STAU2: variants seen among roughly 807,000 people sequenced by gnomAD.
STAU2 encodes the protein staufen double-stranded RNA binding protein 2, also known as double-stranded RNA-binding protein Staufen homolog 2.
STAU2 carries 20 observed loss-of-function variants against 65.9 expected under a neutral mutation model. That is an observed-to-expected ratio of 0.30 (90% CI 0.21 to 0.44). The LOEUF is 0.44. Ranked by LOEUF, STAU2 falls within the 20% of genes least tolerant of loss-of-function variation. The pLI, the probability that STAU2 is intolerant of heterozygous loss-of-function variation, is 1.00. For synonymous variants in STAU2, 232 were observed against 233.9 expected (o/e 0.99, Z 0.07); for missense variants, 558 against 683.9 (o/e 0.82, Z 2.05).
intron 13 of STAU2, among the ~76,000 whole-genome samples, chr8:73,528,839 A>G (rs1258213490): frequency 1.3e-5 from 2 of 152,248 alleles, no homozygotes; most frequent in African/African-American, 2.4e-5. Flanking sequence ...TAATTGCTGC[A>G]TAATGTCCAT....
At chr8:73,466,312 G>A (rs1322876303) in intron 13 of STAU2, among the ~76,000 whole-genome samples, 1 of 152,104 alleles carries the variant, frequency 6.6e-6, no homozygotes, top group Non-Finnish European at 1.5e-5. Context: ...CTAGAAACTG[G>A]AGTTCTGTGT....
intron 11 of STAU2, among the ~76,000 whole-genome samples, chr8:73,589,161 C>G (rs1810591039): frequency 6.6e-6 from 1 of 152,142 alleles, no homozygotes; most frequent in Non-Finnish European, 1.5e-5. Context: ...TTAACAGTGA[C>G]TATGGCAATA....
intron 13 of STAU2, among the ~76,000 whole-genome samples, chr8:73,522,201 A>G (rs1282025454): frequency 6.6e-6 from 1 of 152,216 alleles, no homozygotes; most frequent in Non-Finnish European, 1.5e-5. Context: ...GAAGTTTATG[A>G]CTTTGGGGCT....
chr8:73,600,754 C>T (rs1811579558), intron 10 of STAU2, among the ~76,000 whole-genome samples: 1 of 152,174 alleles, frequency 6.6e-6, no homozygotes, highest in African/African-American at 2.4e-5. Context: ...GCTAGATTTC[C>T]ATCTGGCCTA....
chr8:73,526,066 G>C (rs1301178757), intron 13 of STAU2, among the ~76,000 whole-genome samples: 3 of 152,182 alleles, frequency 2.0e-5, no homozygotes, highest in African/African-American at 7.2e-5. Flanking sequence ...AAGCACTGGA[G>C]TGGTCTCTAA....
At chr8:73,484,440 C>T (rs1048945625) in intron 13 of STAU2, among the ~76,000 whole-genome samples, 3 of 152,042 alleles carry the variant, frequency 2.0e-5, no homozygotes, top group African/African-American at 7.2e-5. Context: ...AATTCTTAGT[C>T]TTTAAAACAT....
Position 73,552,172 on chromosome 8 carries a change from G to C in STAU2, c.1370C>G (p.Thr457Arg), listed in dbSNP as rs369610486. ...GGCAATTGTAGCTGAACTATTCGATGTGGGAGATATACTGAAGAAAGAGCT... is the reference window on the plus strand; with the variant it reads ...GGCAATTGTAGCTGAACTATTCGATCTGGGAGATATACTGAAGAAAGAGCT... ...PSSSFFSISP[T>R]SNSSATIARE... Residue 457 changes from threonine to arginine, a missense_variant, in exon 13 of 15, where the codon ACA becomes AGA. Thr to Arg is a moderately conservative substitution (Grantham distance 71, BLOSUM62 -1). Coordinates refer to ENST00000524300, the MANE Select transcript of STAU2 (RefSeq NM_001164380.2). 3.1e-6 allele frequency: 5 copies of C among 1,613,900 alleles called. No individual in the cohort carries two copies. The African/African-American group carries it at 6.7e-5, about 22-fold the overall frequency.
At chr8:73,715,773 T>TA (rs1586335802) in intron 3 of STAU2, among the ~76,000 whole-genome samples, 1 of 152,286 alleles carries the variant, frequency 6.6e-6, no homozygotes, top group Non-Finnish European at 1.5e-5. Context: ...TAAATATTAT[T>TA]ATTTACCAAA....
intron 13 of STAU2, among the ~76,000 whole-genome samples, chr8:73,449,560 T>A (rs1335914554): frequency 2.0e-5 from 3 of 152,190 alleles, no homozygotes; most frequent in African/African-American, 7.2e-5. Context: ...AACAAGGCTT[T>A]TGTGTCATTT....
chr8:73,491,838 C>T (rs1221086530), intron 13 of STAU2, among the ~76,000 whole-genome samples: 2 of 151,902 alleles, frequency 1.3e-5, no homozygotes, highest in African/African-American at 4.8e-5. Flanking sequence ...CATTTTCTGA[C>T]TCCTTGGTTC....
intron 3 of STAU2, among the ~76,000 whole-genome samples, chr8:73,732,380 C>G (rs1806128702): frequency 6.6e-6 from 1 of 152,150 alleles, no homozygotes; most frequent in Admixed American, 6.5e-5. Context: ...TCTATTGGTT[C>G]CACAGATAAA....
At chr8:73,730,204 C>G (rs2130745555) in intron 3 of STAU2, among the ~76,000 whole-genome samples, 1 of 152,284 alleles carries the variant, frequency 6.6e-6, no homozygotes, top group East Asian at 1.9e-4. Flanking sequence ...ATTTAAGTCA[C>G]ATATATTGTT....
At chr8:73,468,435 A>G (rs1245160324) in intron 13 of STAU2, among the ~76,000 whole-genome samples, 16 of 152,228 alleles carry the variant, frequency 1.1e-4, no homozygotes, top group Admixed American at 9.2e-4. Flanking sequence ...CGATGGCAAC[A>G]AAAGCCAAAA....
At chr8:73,743,633 C>T (rs1240443255) in intron 1 of STAU2, among the ~76,000 whole-genome samples, 1 of 151,672 alleles carries the variant, frequency 6.6e-6, no homozygotes, top group African/African-American at 2.4e-5. Context: ...GCCACCACGG[C>T]CGGCTAATTT....
intron 13 of STAU2, among the ~76,000 whole-genome samples, chr8:73,431,391 C>T (rs982927178): frequency 6.6e-6 from 1 of 152,182 alleles, no homozygotes; most frequent in Non-Finnish European, 1.5e-5. Context: ...ACATCTAAAG[C>T]AATAAATGTA....
chr8:73,430,159 T>C (rs1485215622), intron 13 of STAU2, among the ~76,000 whole-genome samples: 7 of 152,340 alleles, frequency 4.6e-5, no homozygotes, highest in African/African-American at 1.7e-4. Context: ...CATTTCTTAC[T>C]TTCCTGTGGT....
intron 13 of STAU2, among the ~76,000 whole-genome samples, chr8:73,448,236 C>T (rs1018999229): frequency 6.6e-6 from 1 of 152,048 alleles, no homozygotes; most frequent in Non-Finnish European, 1.5e-5. Context: ...ATTCATGGGT[C>T]AGGGACCATT....
chr8:73,542,108 AT>A (rs1806583157), intron 13 of STAU2, among the ~76,000 whole-genome samples: 2 of 152,168 alleles, frequency 1.3e-5, no homozygotes, highest in Admixed American at 6.5e-5. Flanking sequence ...AGCTAAATGT[AT>A]CCCAAACTAG....
At chr8:73,718,210 G>A (rs759701125) in intron 3 of STAU2, among the ~76,000 whole-genome samples, 1 of 152,118 alleles carries the variant, frequency 6.6e-6, no homozygotes, top group Non-Finnish European at 1.5e-5. Flanking sequence ...ACTAATATAT[G>A]TTACTGATTC....
Sources: allele counts gnomAD v4.1 joint callset (sites outside exome capture counted in the v4.1 genomes callset), GRCh38; gene constraint gnomAD v4.1.1; transcripts MANE v1.5; gene names NCBI Gene and HGNC (gene_info 2026-07-23, HGNC 2026-07-21).